Variants in PLSCR5 observed in about 807,000 individuals in gnomAD.
The protein encoded by PLSCR5 is phospholipid scramblase family, member 5.
Under a neutral mutation model 33.6 loss-of-function variants are expected in PLSCR5, and 44 were observed. That is an observed-to-expected ratio of 1.31 (90% CI 1.03 to 1.69). The LOEUF (loss-of-function observed/expected upper bound fraction) is 1.69, where lower values mean the gene tolerates loss of function less well. Ranked by LOEUF, PLSCR5 falls within the 40% of genes most tolerant of loss-of-function variation. The probability of loss-of-function intolerance (pLI) is 0.00; values close to 1 mark genes in which losing one functional copy is unlikely to be tolerated. For synonymous variants in PLSCR5, 148 were observed against 112.3 expected, an observed-to-expected ratio of 1.32 and a Z score of -2.01; for missense variants, 375 against 318.7, an observed-to-expected ratio of 1.18 and a Z score of -1.34.
At position 146,589,733 on chromosome 3, in the gene PLSCR5, C is replaced by G; in HGVS notation, c.697G>C (p.Ala233Pro). Reference sequence around the variant, plus strand: ...GGAACATGAATTCCGAAATTGTCAGCATTTGTGAAGACATCATTTACAAAT... The same window carrying G: ...GGAACATGAATTCCGAAATTGTCAGGATTTGTGAAGACATCATTTACAAAT... ...SGFVNDVFTN[A>P]DNFGIHVPAD... The change falls in exon 6 of 8, where the codon GCT becomes CCT. Residue 233 changes from alanine to proline, a missense_variant. Coordinates refer to ENST00000443512, the MANE Select transcript of PLSCR5 (RefSeq NM_001085420.2). The G allele has an allele frequency of 6.3e-7, 1 of 1,599,166 alleles. No homozygotes were observed. Among genetic ancestry groups the G allele is most frequent in the Non-Finnish European group, 8.6e-7 (1 of 1,168,310 alleles).
In PLSCR5 at chr3:146,605,195, C is replaced by T. The variant is rs769568715; in HGVS notation, c.13+5G>A. 2.7e-5 allele frequency: 43 copies of T among 1,609,350 alleles called. No homozygotes were observed. The highest frequency in any genetic ancestry group is 3.4e-5 in the Non-Finnish European group (40 of 1,177,028). On this transcript the variant is annotated splice_donor_5th_base_variant and intron_variant, in intron 1 of 7. Transcript: ENST00000443512. ...AAGTTATTAGTTGGTTATATTTACT[C>T]TTACCTTTAGAGGCCATGAAGATGT...
chr3:146,581,760 A>C (rs759328219), downstream of PLSCR5, among the ~76,000 whole-genome samples: 1 of 152,214 alleles, frequency 6.6e-6, no homozygotes, highest in Non-Finnish European at 1.5e-5. Flanking sequence ...ATGTATAGAT[A>C]TATTTCAATA....
chr3:146,582,227 A>C (rs13315271), downstream of PLSCR5, among the ~76,000 whole-genome samples: 5,539 of 152,292 alleles, frequency 0.036, 117 homozygotes, highest in Non-Finnish European at 0.049. Flanking sequence ...TGCAGGCATA[A>C]ATAAGGGAAC....
At chr3:146,585,248 G>T (rs551183708), downstream of PLSCR5, among the ~76,000 whole-genome samples, 7 of 152,136 alleles carry the variant, frequency 4.6e-5, 2 homozygotes, top group African/African-American at 1.7e-4. Flanking sequence ...TTAAGTCCTT[G>T]AGTTGTCTAT....
At chr3:146,600,887 T>A (rs2044808255) in intron 1 of PLSCR5, among the ~76,000 whole-genome samples, 1 of 148,486 alleles carries the variant, frequency 6.7e-6, no homozygotes, top group South Asian at 2.1e-4. Flanking sequence ...ATATATTATA[T>A]AACTATATAT....
chr3:146,603,820 A>G (rs1042387122), intron 1 of PLSCR5, among the ~76,000 whole-genome samples: 4 of 151,668 alleles, frequency 2.6e-5, no homozygotes, highest in Non-Finnish European at 4.4e-5. Flanking sequence ...AATGAAAGGA[A>G]ATATTTGTCA....
At chr3:146,589,158 A>G (rs2044688709) in intron 6 of PLSCR5, among the ~76,000 whole-genome samples, 1 of 152,198 alleles carries the variant, frequency 6.6e-6, no homozygotes, top group Non-Finnish European at 1.5e-5. Context: ...ACAAGAACAT[A>G]GTATCTTAGA....
chr3:146,587,127 C>A (rs2044672736), intron 6 of PLSCR5, among the ~76,000 whole-genome samples: 1 of 152,044 alleles, frequency 6.6e-6, no homozygotes. Context: ...AGCACCTGGG[C>A]ATCTTGTTCA....
At chr3:146,583,058 C>A (rs1262494775), downstream of PLSCR5, among the ~76,000 whole-genome samples, 2 of 151,970 alleles carry the variant, frequency 1.3e-5, no homozygotes, top group Non-Finnish European at 2.9e-5. Context: ...CCAAATGATT[C>A]TTGAAAAACC....
intron 3 of PLSCR5, among the ~76,000 whole-genome samples, 158 bp downstream of exon 3, chr3:146,594,883 G>A (rs1007627833): frequency 2.6e-5 from 4 of 151,914 alleles, no homozygotes; most frequent in Admixed American, 6.6e-5. Context: ...TTTACTTTCA[G>A]CTTTTAATTG....
Position 146,594,077 on chromosome 3 carries a change from T to G in PLSCR5, c.296A>C (p.Tyr99Ser). 1.2e-6 allele frequency: 2 copies of G among 1,613,794 alleles called. No homozygotes were observed. Among genetic ancestry groups the G allele is most frequent in the Non-Finnish European group, 1.7e-6 (2 of 1,179,790 alleles). ...EIKNSLGQRI[Y>S]FAVEESICFN... ...GCAGATGCTTTCCTCCACTGCAAAG[T>G]AAATTCTTTGTCCCAAGCTGTTTTT... Residue 99 changes from tyrosine to serine, a missense_variant, in exon 4 of 8, where the codon TAC (tyrosine) becomes TCC (serine). Transcript: ENST00000443512.
In PLSCR5 at chr3:146,600,434, C is replaced by A. The variant is rs779543947; in HGVS notation, c.43G>T (p.Gly15Cys). 5 of 1,601,102 alleles carry A rather than the reference C, an allele frequency of 3.1e-6. No homozygotes were observed. In the East Asian group the frequency reaches 9.0e-5, roughly 29 times the overall value. ...DAQNQRRGLP[G>C]FLPGAPDPDQ... ...GGGTCTGGAGCTCCAGGAAGAAAAC[C>A]AGGCAGACCTCTTCTTTGGTTCTGG... Residue 15 changes from glycine (G) to cysteine (C), a missense_variant, in exon 2 of 8, where the codon GGT becomes TGT. By Grantham distance (159) the Gly-to-Cys change is radical. Transcript: ENST00000443512.
At chr3:146,604,697 C>A (rs940892198) in intron 1 of PLSCR5, among the ~76,000 whole-genome samples, 1 of 152,024 alleles carries the variant, frequency 6.6e-6, no homozygotes, top group African/African-American at 2.4e-5. Flanking sequence ...TCCCATTCCC[C>A]TTTATGTCCT....
intron 2 of PLSCR5, 27 bp downstream of exon 2, chr3:146,600,261 T>C: frequency 6.8e-7 from 1 of 1,461,356 alleles, no homozygotes; most frequent in Non-Finnish European, 9.1e-7. Context: ...GTAGAACATA[T>C]CTGTAGTAAT....
intron 4 of PLSCR5, 137 bp from the exon 5 acceptor site, chr3:146,592,018 C>A: frequency 1.3e-6 from 1 of 787,296 alleles, no homozygotes; most frequent in Non-Finnish European, 1.9e-6. Context: ...TAAATACCTG[C>A]TTCTAAGGAT....
chr3:146,581,208 A>G (rs2044630996), downstream of PLSCR5, among the ~76,000 whole-genome samples: 1 of 152,220 alleles, frequency 6.6e-6, no homozygotes, highest in East Asian at 1.9e-4. Context: ...AAAACCTTAT[A>G]TAATTTACCT....
chr3:146,580,237 A>G (rs2044624342), intron 7 of PLSCR5, among the ~76,000 whole-genome samples: 1 of 152,144 alleles, frequency 6.6e-6, no homozygotes, highest in Non-Finnish European at 1.5e-5. Flanking sequence ...TATATACTAG[A>G]GTTCTTAAAA....
intron 2 of PLSCR5, among the ~76,000 whole-genome samples, chr3:146,599,188 G>A (rs1238554991): frequency 6.6e-6 from 1 of 152,154 alleles, no homozygotes; most frequent in Non-Finnish European, 1.5e-5. Context: ...TTCAGATAGT[G>A]ATATTTTGAT....
intron 2 of PLSCR5, among the ~76,000 whole-genome samples, chr3:146,599,435 C>G (rs577281867): frequency 6.6e-6 from 1 of 152,034 alleles, no homozygotes; most frequent in South Asian, 2.1e-4. Context: ...TTAACAACCT[C>G]TCTCTCCTCT....
Sources: allele counts gnomAD v4.1 joint callset (sites outside exome capture counted in the v4.1 genomes callset), GRCh38; gene constraint gnomAD v4.1.1; transcripts MANE v1.5; gene names NCBI Gene and HGNC (gene_info 2026-07-23, HGNC 2026-07-21).